The following GALK2 variants were observed in gnomAD, a reference collection of about 807,000 sequenced individuals.
The protein encoded by GALK2 is N-acetylgalactosamine kinase.
Under a neutral mutation model 52.4 loss-of-function variants are expected in GALK2, and 36 were observed. The ratio of observed to expected loss-of-function variants is 0.69; its 90% CI spans 0.53 to 0.91. GALK2 has a LOEUF of 0.91. Ranked by LOEUF, GALK2 falls within the 40% of genes least tolerant of loss-of-function variation. The pLI is 0.00. For missense variants in GALK2, 579 were observed against 559.1 expected, an observed-to-expected ratio of 1.04 and a Z score of -0.36; for synonymous variants, 176 against 199.1, an observed-to-expected ratio of 0.88 and a Z score of 0.98.
intron 5 of GALK2, among the ~76,000 whole-genome samples, chr15:49,244,806 TGAG>T (rs757694363): frequency 1.6e-4 from 24 of 151,212 alleles, no homozygotes; most frequent in Admixed American, 3.3e-4. Flanking sequence ...CAGATTAAAA[TGAG>T]GAGAGGGAAA....
intron 8 of GALK2, among the ~76,000 whole-genome samples, chr15:49,305,967 C>G (rs2035511996): frequency 6.6e-6 from 1 of 152,154 alleles, no homozygotes; most frequent in Non-Finnish European, 1.5e-5. Context: ...ATAGTGTAAA[C>G]ACCTTGAGAA....
At chr15:49,247,945 A>G (rs1425344863) in intron 5 of GALK2, among the ~76,000 whole-genome samples, 1 of 152,160 alleles carries the variant, frequency 6.6e-6, no homozygotes, top group Non-Finnish European at 1.5e-5. Context: ...TTTTCAGGGG[A>G]GTGTTTTTGA....
At chr15:49,365,882 T>C (rs1023930373) in intron 3 of GALK2, 10 of 963,380 alleles carry the variant, frequency 1.0e-5, no homozygotes, top group Non-Finnish European at 1.4e-5. Context: ...ATCTTATGAA[T>C]TAGTGCAGCA....
intron 3 of GALK2, among the ~76,000 whole-genome samples, chr15:49,232,507 C>A (rs748441517): frequency 6.6e-6 from 1 of 152,238 alleles, no homozygotes; most frequent in Non-Finnish European, 1.5e-5. Context: ...ATGCAAATTT[C>A]TGTAGCTGGC....
At chr15:49,289,069 A>G (rs1885532623) in intron 7 of GALK2, among the ~76,000 whole-genome samples, 1 of 152,068 alleles carries the variant, frequency 6.6e-6, no homozygotes, top group South Asian at 2.1e-4. Flanking sequence ...CATGTCCTGT[A>G]TTTTTCTATT....
intron 3 of GALK2, among the ~76,000 whole-genome samples, chr15:49,360,830 C>T (rs2044095179): frequency 6.6e-6 from 1 of 152,114 alleles, no homozygotes; most frequent in Non-Finnish European, 1.5e-5. Flanking sequence ...AATAAATATA[C>T]ATTTAAAATC....
chr15:49,229,403 G>A (rs923914954), intron 3 of GALK2, among the ~76,000 whole-genome samples: 1 of 152,116 alleles, frequency 6.6e-6, no homozygotes, highest in Non-Finnish European at 1.5e-5. Context: ...CAACCCTCTG[G>A]CTCCAAAGCA....
intron 8 of GALK2, among the ~76,000 whole-genome samples, chr15:49,296,238 G>A (rs1201925473): frequency 6.6e-6 from 1 of 152,192 alleles, no homozygotes; most frequent in Non-Finnish European, 1.5e-5. Flanking sequence ...AGTGAGCATA[G>A]TATCCAAAGG....
chr15:49,327,970 G>T lies in GALK2; in HGVS notation c.1188G>T (p.Gly396=). Reference sequence around the variant, plus strand: ...GTTTTAGGAAGTTTGGGGCTCAAGGGTCACGACTTACTGGAGCAGGATGGG... The same window carrying T: ...GTTTTAGGAAGTTTGGGGCTCAAGGTTCACGACTTACTGGAGCAGGATGGG... ...VDICRKFGAQ[G]SRLTGAGWGG... The change falls in exon 10 of 10, where the codon GGG becomes GGT. Residue 396 remains glycine, a synonymous_variant. Coordinates refer to ENST00000560031, the MANE Select transcript of GALK2 (RefSeq NM_002044.4). 6.2e-7 allele frequency: 1 copy of T among 1,613,176 alleles called. No individual in the cohort carries two copies. Among genetic ancestry groups the T allele is most frequent in the Non-Finnish European group, 8.5e-7 (1 of 1,179,382 alleles).
Position 49,331,778 on chromosome 15 carries a change from AC to A in GALK2, c.*3621del, listed in dbSNP as rs764319507. ...TCAATTATTTTCAGAAAGAAAACCT[AC>A]CAGTTTATGTAGGAACTTCTCAAAG... is the stretch of plus-strand genomic sequence containing the variant. On this transcript the variant is annotated 3_prime_UTR_variant, in exon 10 of 10. Transcript: ENST00000560031. 7 of 1,576,792 alleles carry A rather than the reference AC, an allele frequency of 4.4e-6. No individual in the cohort carries two copies. The highest frequency in any genetic ancestry group is 5.2e-6 in the Non-Finnish European group (6 of 1,146,266).
upstream of GALK2, among the ~76,000 whole-genome samples, chr15:49,166,125 G>A (rs988769940): frequency 6.6e-6 from 1 of 152,020 alleles, no homozygotes; most frequent in East Asian, 1.9e-4. Context: ...TTCAAGTGAC[G>A]CTGATGCTGC....
chr15:49,355,882 A>G (rs1372189980), intron 3 of GALK2, among the ~76,000 whole-genome samples: 1 of 152,204 alleles, frequency 6.6e-6, no homozygotes, highest in African/African-American at 2.4e-5. Flanking sequence ...TCAGACTAAC[A>G]GTGGATCTCT....
intron 5 of GALK2, among the ~76,000 whole-genome samples, chr15:49,247,739 A>G (rs1303531321): frequency 6.6e-6 from 1 of 152,198 alleles, no homozygotes; most frequent in Non-Finnish European, 1.5e-5. Flanking sequence ...TGAACCCATA[A>G]GTGTATTTTA....
At chr15:49,276,941 C>T (rs1475976973) in intron 5 of GALK2, among the ~76,000 whole-genome samples, 23 of 81,406 alleles carry the variant, frequency 2.8e-4, no homozygotes, top group Non-Finnish European at 4.0e-4. Flanking sequence ...TTTTTTTAAC[C>T]TTTTGTTTCT....
In GALK2 at chr15:49,331,703, G is replaced by A; in HGVS notation, c.*3544G>A. 2.2e-6 allele frequency: 2 copies of A among 907,294 alleles called. No homozygotes were observed. Among genetic ancestry groups the A allele is most frequent in the Non-Finnish European group, 3.7e-6 (2 of 547,380 alleles). The allele number at this position is 907,294 out of a possible 1,614,324, so 56.2% of individuals were successfully genotyped here. A position where few individuals can be genotyped will look rare whatever the true frequency, so the allele number is the denominator to read the frequency against. ...TAATTTGGGTGTGCCACCATACATT[G>A]CTTATGAAATATTGTCCAGTCTATA... On this transcript the variant is annotated 3_prime_UTR_variant, in exon 10 of 10. Coordinates refer to ENST00000560031, the MANE Select transcript of GALK2 (RefSeq NM_002044.4).
At chr15:49,159,517 A>C (rs1179018073) in intron 1 of GALK2, among the ~76,000 whole-genome samples, 1 of 151,654 alleles carries the variant, frequency 6.6e-6, no homozygotes, top group Non-Finnish European at 1.5e-5. Flanking sequence ...CAGAGGTTGC[A>C]GTGAGCCGAG....
At chr15:49,271,896 A>G (rs1028832672) in intron 5 of GALK2, among the ~76,000 whole-genome samples, 2 of 152,244 alleles carry the variant, frequency 1.3e-5, no homozygotes, top group Non-Finnish European at 2.9e-5. Context: ...GCCTCAGGCC[A>G]TCCAGCAACG....
chr15:49,294,087 CAAATAAATAAATAAATAAAT>C (rs201999229), intron 8 of GALK2, among the ~76,000 whole-genome samples: 3 of 131,056 alleles, frequency 2.3e-5, no homozygotes, highest in African/African-American at 5.7e-5. Context: ...GACCCTGTCT[CAAATAAATAAATAAATAAAT>C]AAATAAATAA....
At chr15:49,305,971 T>G (rs2035512320) in intron 8 of GALK2, among the ~76,000 whole-genome samples, 1 of 152,196 alleles carries the variant, frequency 6.6e-6, no homozygotes, top group East Asian at 1.9e-4. Context: ...TGTAAACACC[T>G]TGAGAATAGG....
Sources: gnomAD v4.1 joint callset for allele counts (sites outside exome capture counted in the v4.1 genomes callset) on GRCh38, gnomAD v4.1.1 for gene constraint, MANE v1.5 for transcripts, NCBI Gene and HGNC (gene_info 2026-07-23, HGNC 2026-07-21) for gene names.